Variants in TFB1M observed in about 807,000 individuals in gnomAD.
The protein encoded by TFB1M is dimethyladenosine transferase 1, mitochondrial.
TFB1M carries 27 observed loss-of-function variants against 31.1 expected under a neutral mutation model. That is an observed-to-expected ratio of 0.87 (90% CI 0.64 to 1.20). The LOEUF is 1.20. Among genes scored for constraint, TFB1M ranks in the 50% most tolerant of loss-of-function variants. The probability of loss-of-function intolerance (pLI) is 0.00; values close to 1 mark genes in which losing one functional copy is unlikely to be tolerated. For synonymous variants in TFB1M, 166 were observed against 151.8 expected, an observed-to-expected ratio of 1.09 and a Z score of -0.69; for missense variants, 394 against 418.7, an observed-to-expected ratio of 0.94 and a Z score of 0.51.
intron 2 of TFB1M, chr6:155,303,549 T>G (rs1284320199): frequency 6.6e-6 from 1 of 152,226 alleles, no homozygotes; most frequent in Non-Finnish European, 1.5e-5. Context: ...TATGTTATGA[T>G]TAACTATGGT....
At chr6:155,254,241 C>T (rs915764183), downstream of TFB1M, 2 of 1,023,080 alleles carry the variant, frequency 2.0e-6, no homozygotes, top group African/African-American at 3.2e-5. Context: ...ATATCAAAAT[C>T]TTAAGAGTGA....
intron 3 of TFB1M, among the ~76,000 whole-genome samples, chr6:155,297,875 G>C (rs1449914270): frequency 1.3e-5 from 2 of 152,226 alleles, no homozygotes; most frequent in African/African-American, 2.4e-5. Context: ...GGCAGAGACT[G>C]CAAGTGCGGC....
At chr6:155,279,213 CTTT>C (rs11400763) in intron 5 of TFB1M, among the ~76,000 whole-genome samples, 1 of 147,764 alleles carries the variant, frequency 6.8e-6, no homozygotes. Flanking sequence ...AAATATCATA[CTTT>C]TTTTTTTTTT....
intron 4 of TFB1M, among the ~76,000 whole-genome samples, chr6:155,287,323 G>A (rs1193094466): frequency 1.3e-5 from 2 of 151,960 alleles, no homozygotes; most frequent in African/African-American, 4.8e-5. Context: ...TACTTACACG[G>A]GCGATAGGTA....
chr6:155,256,895 T>C lies in TFB1M; in HGVS notation c.*941A>G. 6.2e-7 allele frequency: 1 copy of C among 1,614,126 alleles called. No individual in the cohort carries two copies. The highest frequency in any genetic ancestry group is 2.2e-5 in the East Asian group (1 of 44,882). Reference sequence around the variant, plus strand: ...CAGAAAGGAGGAGAGCAGCCCAAACTGGTCCGGGGGCACTTCTGCCCCATT... The same window carrying C: ...CAGAAAGGAGGAGAGCAGCCCAAACCGGTCCGGGGGCACTTCTGCCCCATT... On this transcript the variant is annotated 3_prime_UTR_variant, in exon 7 of 7. Transcript: ENST00000367166.
At chr6:155,284,117 T>C (rs1776513768) in intron 5 of TFB1M, among the ~76,000 whole-genome samples, 1 of 152,186 alleles carries the variant, frequency 6.6e-6, no homozygotes, top group African/African-American at 2.4e-5. Context: ...CCTGACTTCC[T>C]AGTCACCTGA....
intron 4 of TFB1M, 36 bp downstream of exon 4, chr6:155,296,917 C>A: frequency 6.3e-7 from 1 of 1,591,198 alleles, no homozygotes; most frequent in Non-Finnish European, 8.6e-7. Context: ...GGAATTTGAA[C>A]ATGTGATAAA....
chr6:155,290,088 G>C (rs1032736893), intron 4 of TFB1M, among the ~76,000 whole-genome samples: 18 of 152,128 alleles, frequency 1.2e-4, no homozygotes, highest in Admixed American at 2.0e-4. Flanking sequence ...GCAGTGCATA[G>C]AATGGACTAA....
At chr6:155,253,360 A>C (rs1783789288), downstream of TFB1M, 2 of 313,860 alleles carry the variant, frequency 6.4e-6, no homozygotes, top group Non-Finnish European at 1.2e-5. Context: ...AGATCCACAA[A>C]TTTATGTTTT....
At chr6:155,240,753 A>G in the TFB1M span, 1 of 1,570,810 alleles carries the variant, frequency 6.4e-7, no homozygotes, top group Non-Finnish European at 8.6e-7. Context: ...CTCTTTGATG[A>G]TGGCAAGTGG....
intron 2 of TFB1M, among the ~76,000 whole-genome samples, chr6:155,304,937 T>C (rs1279527928): frequency 6.6e-6 from 1 of 150,864 alleles, no homozygotes; most frequent in East Asian, 1.9e-4. Flanking sequence ...AACTGATTTT[T>C]GACAATAGTA....
At chr6:155,298,677 TA>T in intron 2 of TFB1M, 92 bp from the exon 3 acceptor site, 2 of 863,852 alleles carry the variant, frequency 2.3e-6, no homozygotes, top group Non-Finnish European at 3.9e-6. Flanking sequence ...AAAAATCAGT[TA>T]AAAAAGTCAG....
intron 4 of TFB1M, among the ~76,000 whole-genome samples, chr6:155,293,616 T>A (rs955532843): frequency 1.3e-5 from 2 of 152,214 alleles, no homozygotes; most frequent in Non-Finnish European, 2.9e-5. Flanking sequence ...TTTAAAATAA[T>A]CATTTTTCCT....
chr6:155,249,791 G>C, the TFB1M span: 1 of 1,422,262 alleles, frequency 7.0e-7, no homozygotes, highest in Non-Finnish European at 9.7e-7. Flanking sequence ...CATTATTACT[G>C]TTGGATAGAA....
At chr6:155,307,027 G>A (rs902260450) in intron 2 of TFB1M, among the ~76,000 whole-genome samples, 1 of 152,084 alleles carries the variant, frequency 6.6e-6, no homozygotes, top group Non-Finnish European at 1.5e-5. Context: ...AGGCTGAAGT[G>A]GGAGGATTGC....
the TFB1M span, among the ~76,000 whole-genome samples, chr6:155,246,527 G>A: frequency 6.6e-6 from 1 of 151,924 alleles, no homozygotes; most frequent in African/African-American, 2.4e-5. Flanking sequence ...CGTAGAAATG[G>A]GTCTCACTGT....
At chr6:155,294,280 C>T (rs1777066844) in intron 4 of TFB1M, among the ~76,000 whole-genome samples, 1 of 152,172 alleles carries the variant, frequency 6.6e-6, no homozygotes, top group South Asian at 2.1e-4. Context: ...TTCATGAACT[C>T]AAGATAAAAG....
intron 2 of TFB1M, among the ~76,000 whole-genome samples, chr6:155,307,603 G>C (rs1777837208): frequency 6.6e-6 from 1 of 152,044 alleles, no homozygotes; most frequent in East Asian, 1.9e-4. Context: ...TTTGGGTGAG[G>C]ACACAGAGCC....
intron 5 of TFB1M, chr6:155,276,610 A>G (rs1274522540): frequency 2.2e-6 from 1 of 445,202 alleles, no homozygotes; most frequent in African/African-American, 2.0e-5. Flanking sequence ...TTAAAGATTT[A>G]TAATTGAAAG....
Sources: allele counts gnomAD v4.1 joint callset (sites outside exome capture counted in the v4.1 genomes callset), GRCh38; gene constraint gnomAD v4.1.1; transcripts MANE v1.5; gene names NCBI Gene and HGNC (gene_info 2026-07-23, HGNC 2026-07-21).